ERC2: variants seen among roughly 807,000 people sequenced by gnomAD.
ERC2 encodes the protein ERC protein 2.
ERC2 carries 42 observed loss-of-function variants against 114.8 expected under a neutral mutation model. The ratio of observed to expected loss-of-function variants is 0.37; its 90% CI spans 0.29 to 0.47. The LOEUF (loss-of-function observed/expected upper bound fraction) is 0.47. ERC2 is among the 20% of genes least tolerant of loss of function. ERC2 has a pLI of 0.99. For synonymous variants in ERC2, 454 were observed against 425.5 expected, an observed-to-expected ratio of 1.07 and a Z score of -0.82; for missense variants, 939 against 1,150.7, an observed-to-expected ratio of 0.82 and a Z score of 2.66.
chr3:55,853,089 T>C (rs892931501), intron 14 of ERC2, among the ~76,000 whole-genome samples: 2 of 152,114 alleles, frequency 1.3e-5, no homozygotes, highest in Non-Finnish European at 2.9e-5. Context: ...TTGGGGTGGG[T>C]TGTGGAGCAC....
chr3:55,741,729 C>T (rs536584772), intron 14 of ERC2, among the ~76,000 whole-genome samples: 76 of 152,048 alleles, frequency 5.0e-4, no homozygotes, highest in African/African-American at 1.8e-3. Flanking sequence ...TGTCTATGCC[C>T]CAAAATGTAG....
intron 14 of ERC2, among the ~76,000 whole-genome samples, chr3:55,841,776 A>G (rs899093808): frequency 1.3e-5 from 2 of 152,194 alleles, no homozygotes; most frequent in Non-Finnish European, 2.9e-5. Context: ...AGAGTCAACA[A>G]TCTTAACAAA....
intron 17 of ERC2, among the ~76,000 whole-genome samples, chr3:55,682,800 G>T (rs2062122497): frequency 6.6e-6 from 1 of 152,132 alleles, no homozygotes; most frequent in Admixed American, 6.5e-5. Flanking sequence ...CACATTCCTT[G>T]TTCTGAATAA....
At chr3:56,224,242 A>G (rs141671342) in intron 3 of ERC2, among the ~76,000 whole-genome samples, 1 of 152,322 alleles carries the variant, frequency 6.6e-6, no homozygotes, top group African/African-American at 2.4e-5. Flanking sequence ...TGTCCCACCA[A>G]TCCCACTACT....
At chr3:55,781,713 A>C (rs1325596674) in intron 14 of ERC2, among the ~76,000 whole-genome samples, 1 of 151,972 alleles carries the variant, frequency 6.6e-6, no homozygotes, top group East Asian at 1.9e-4. Context: ...TCTACTAAAA[A>C]TACAAAAAAT....
chr3:56,116,083 T>C (rs2079216809), intron 6 of ERC2, among the ~76,000 whole-genome samples: 1 of 152,206 alleles, frequency 6.6e-6, no homozygotes, highest in South Asian at 2.1e-4. Context: ...CCGACCCTAG[T>C]GCTTTCCTGT....
At chr3:55,893,065 C>A (rs1169792948) in intron 13 of ERC2, among the ~76,000 whole-genome samples, 1 of 152,074 alleles carries the variant, frequency 6.6e-6, no homozygotes, top group Non-Finnish European at 1.5e-5. Context: ...TGTAGGGACA[C>A]GGCAAGACGT....
intron 17 of ERC2, among the ~76,000 whole-genome samples, chr3:55,559,903 A>G (rs55705711): frequency 0.13 from 19,326 of 152,234 alleles, 1,566 homozygotes; most frequent in Non-Finnish European, 0.18. Flanking sequence ...CAGCGTACGG[A>G]TGGCCATGCT....
intron 17 of ERC2, among the ~76,000 whole-genome samples, chr3:55,650,670 G>C (rs1445404886): frequency 6.6e-6 from 1 of 152,078 alleles, no homozygotes; most frequent in Non-Finnish European, 1.5e-5. Context: ...GCAAAAAGTA[G>C]GTGCTTATTA....
At chr3:55,799,364 ATATATATATATATGCCT>A (rs1373742910) in intron 14 of ERC2, among the ~76,000 whole-genome samples, 3 of 141,502 alleles carry the variant, frequency 2.1e-5, no homozygotes, top group Admixed American at 7.0e-5. Flanking sequence ...CACAATTCTT[ATATATATATATATGCCT>A]TATATATATA....
rs532653079 is a variant in ERC2, at chr3:55,608,950, T to C, written c.*39+74844A>G. 5.0e-4 allele frequency among the ~76,000 whole-genome samples: 75 copies of C among 151,380 alleles called. 3 individuals carry two copies. The South Asian group carries it at 0.015, about 30-fold the overall frequency. On this transcript the variant is annotated intron_variant, in intron 17 of 17. Coordinates refer to ENST00000288221, the MANE Select transcript of ERC2 (RefSeq NM_015576.3). Reference sequence around the variant, plus strand: ...TTGAGACTTTAGAAGCTAAACTGAATTCATTCCCATCTACACCATCACTAC... The same window carrying C: ...TTGAGACTTTAGAAGCTAAACTGAACTCATTCCCATCTACACCATCACTAC...
intron 16 of ERC2, among the ~76,000 whole-genome samples, chr3:55,685,667 T>C (rs2062292803): frequency 3.3e-5 from 5 of 152,136 alleles, no homozygotes; most frequent in Admixed American, 2.0e-4. Flanking sequence ...AATATATGTC[T>C]CTGGATGGAG....
intron 14 of ERC2, among the ~76,000 whole-genome samples, chr3:55,867,039 ATGTTT>A (rs375286049): frequency 1.5e-4 from 23 of 152,012 alleles, no homozygotes; most frequent in Admixed American, 7.2e-4. Flanking sequence ...TTAGGAATTT[ATGTTT>A]TGTTTTGTTT....
At chr3:55,610,071 A>C (rs143502480) in intron 17 of ERC2, among the ~76,000 whole-genome samples, 18,266 of 149,912 alleles carry the variant, frequency 0.12, 1,073 homozygotes, top group South Asian at 0.22. Flanking sequence ...AAACAAAAAA[A>C]AAAAAAAAAA....
chr3:56,238,369 A>C (rs2051104316), intron 3 of ERC2, among the ~76,000 whole-genome samples: 1 of 152,210 alleles, frequency 6.6e-6, no homozygotes. Flanking sequence ...TCTGAGAGGC[A>C]CTTAGAACCC....
At chr3:55,878,340 T>C (rs927696614) in intron 14 of ERC2, among the ~76,000 whole-genome samples, 6 of 152,176 alleles carry the variant, frequency 3.9e-5, no homozygotes, top group Non-Finnish European at 7.3e-5. Flanking sequence ...CTTATTTTGT[T>C]TTAAGATAAG....
At chr3:56,422,271 ACT>A (rs1309906277) in intron 2 of ERC2, among the ~76,000 whole-genome samples, 2 of 152,110 alleles carry the variant, frequency 1.3e-5, no homozygotes, top group African/African-American at 4.8e-5. Flanking sequence ...TGTCCCTGAA[ACT>A]CTGCTCTTGT....
At chr3:56,098,873 G>A (rs147532810) in intron 6 of ERC2, among the ~76,000 whole-genome samples, 5 of 152,268 alleles carry the variant, frequency 3.3e-5, no homozygotes, top group South Asian at 4.1e-4. Flanking sequence ...CTGGCTCTTC[G>A]TTCTTGGACT....
intron 7 of ERC2, among the ~76,000 whole-genome samples, chr3:56,054,310 C>T (rs1244730942): frequency 1.3e-5 from 2 of 152,142 alleles, no homozygotes; most frequent in Non-Finnish European, 2.9e-5. Context: ...AAACAAACAT[C>T]GTTGAACGGG....
Sources: allele counts gnomAD v4.1 joint callset (sites outside exome capture counted in the v4.1 genomes callset), GRCh38; gene constraint gnomAD v4.1.1; transcripts MANE v1.5; gene names NCBI Gene and HGNC (gene_info 2026-07-23, HGNC 2026-07-21).